ARMH4: variants seen among roughly 807,000 people sequenced by gnomAD.
ARMH4 encodes the protein armadillo like helical domain containing 4.
A neutral mutation model predicts 61.9 loss-of-function variants in ARMH4; 49 were observed. That is an observed-to-expected ratio of 0.79 (90% CI 0.63 to 1.00). The LOEUF (loss-of-function observed/expected upper bound fraction) is 1.00. Among genes scored for constraint, ARMH4 ranks in the 50% least tolerant of loss-of-function variants. The pLI, the probability that ARMH4 is intolerant of heterozygous loss-of-function variation, is 0.00. For missense variants in ARMH4, 934 were observed against 930.0 expected (o/e 1.00, Z -0.06); for synonymous variants, 368 against 341.5 (o/e 1.08, Z -0.85).
intron 5 of ARMH4, among the ~76,000 whole-genome samples, chr14:58,062,283 G>C (rs2141215448): frequency 6.6e-6 from 1 of 152,322 alleles, no homozygotes; most frequent in Non-Finnish European, 1.5e-5. Flanking sequence ...AGGCTGCAGT[G>C]AGCCATGATC....
At chr14:58,038,803 A>G (rs557062644) in intron 5 of ARMH4, among the ~76,000 whole-genome samples, 8 of 152,224 alleles carry the variant, frequency 5.3e-5, no homozygotes, top group Non-Finnish European at 1.0e-4. Flanking sequence ...CATATACTGC[A>G]TTATGGCTAC....
chr14:58,146,958 C>T (rs1202143975), intron 1 of ARMH4, among the ~76,000 whole-genome samples: 2 of 152,164 alleles, frequency 1.3e-5, no homozygotes, highest in African/African-American at 4.8e-5. Flanking sequence ...GTAGAGTGTG[C>T]CAAGAAACTG....
At chr14:58,143,749 C>A (rs533602940) in intron 1 of ARMH4, among the ~76,000 whole-genome samples, 38 of 148,756 alleles carry the variant, frequency 2.6e-4, no homozygotes, top group Admixed American at 1.2e-3. Flanking sequence ...CAGGCATGAG[C>A]CACCGTGCCC....
At chr14:58,134,331 C>T (rs572359059) in intron 2 of ARMH4, among the ~76,000 whole-genome samples, 73 of 152,284 alleles carry the variant, frequency 4.8e-4, no homozygotes, top group Non-Finnish European at 7.9e-4. Flanking sequence ...ATGACATTAT[C>T]TGTCACAGGT....
At chr14:58,049,540 T>C (rs544096581) in intron 5 of ARMH4, among the ~76,000 whole-genome samples, 17 of 152,258 alleles carry the variant, frequency 1.1e-4, no homozygotes, top group Admixed American at 1.3e-4. Flanking sequence ...GGTGATTCAA[T>C]CAACCTTTGA....
At chr14:58,128,381 T>G (rs958366875) in intron 4 of ARMH4, among the ~76,000 whole-genome samples, 1 of 152,216 alleles carries the variant, frequency 6.6e-6, no homozygotes, top group African/African-American at 2.4e-5. Context: ...AAATTTGTCA[T>G]TATCCCATTT....
chr14:58,049,590 T>G (rs1265992202), intron 5 of ARMH4, among the ~76,000 whole-genome samples: 1 of 152,148 alleles, frequency 6.6e-6, no homozygotes, highest in African/African-American at 2.4e-5. Flanking sequence ...GATGCAGAGA[T>G]GATTATGACC....
At chr14:58,108,491 G>A (rs1243615044) in intron 4 of ARMH4, among the ~76,000 whole-genome samples, 1 of 152,130 alleles carries the variant, frequency 6.6e-6, no homozygotes, top group Non-Finnish European at 1.5e-5. Flanking sequence ...CAAAGTTACT[G>A]ACTGCTATAT....
Position 58,139,202 on chromosome 14 carries a change from C to A in ARMH4, c.157G>T (p.Asp53Tyr), listed in dbSNP as rs373177726. 4.3e-6 allele frequency: 7 copies of A among 1,614,206 alleles called. No homozygotes were observed. The highest frequency in any genetic ancestry group is 5.9e-6 in the Non-Finnish European group (7 of 1,180,040). The part of the protein sequence containing the change: ...EKGQSDKMNT[D>Y]DLENSSVTSK... ...GTAACAGAGCTATTTTCTAGGTCAT[C>A]GGTGTTCATCTTATCGGACTGCCCT... Residue 53 changes from aspartate to tyrosine, a missense_variant, in exon 2 of 8, where the codon GAT becomes TAT. By Grantham distance (160) the Asp-to-Tyr change is radical. Transcript: ENST00000267485.
intron 6 of ARMH4, among the ~76,000 whole-genome samples, chr14:58,011,883 T>C (rs369709002): frequency 1.5e-3 from 226 of 152,252 alleles, no homozygotes; most frequent in Middle Eastern, 0.01. Flanking sequence ...AGGTAAATTC[T>C]TACACTTTTA....
At chr14:58,130,087 G>T (rs1335012411) in intron 4 of ARMH4, among the ~76,000 whole-genome samples, 1 of 152,132 alleles carries the variant, frequency 6.6e-6, no homozygotes, top group East Asian at 1.9e-4. Context: ...CTGATTTAAT[G>T]AGCCCTGCTG....
rs779540957 is a variant in ARMH4 at position 58,133,005 on chromosome 14, C to T, written c.1621+85G>A. 14 of 1,487,358 alleles carry T rather than the reference C, an allele frequency of 9.4e-6. No individual in the cohort carries two copies. The Admixed American group carries it at 1.8e-4, about 19-fold the overall frequency. The allele number at this position is 1,487,358 out of a possible 1,614,324, so 92.1% of individuals were successfully genotyped here. A position where few individuals can be genotyped will look rare whatever the true frequency, so the allele number is the denominator to read the frequency against. On this transcript the variant is annotated intron_variant, in intron 3 of 7. Transcript: ENST00000267485. ...CGCACGCGCGCGCTGATGGCAATGT[C>T]GGCTGCCTCACTCATTCTATTCCTA...
intron 1 of ARMH4, among the ~76,000 whole-genome samples, chr14:58,143,114 T>G (rs1260756181): frequency 6.6e-6 from 1 of 152,220 alleles, no homozygotes; most frequent in South Asian, 2.1e-4. Context: ...AAATTCATGA[T>G]GCATAGAACT....
intron 3 of ARMH4, among the ~76,000 whole-genome samples, chr14:58,132,745 C>G (rs561344537): frequency 6.6e-6 from 1 of 152,166 alleles, no homozygotes; most frequent in Admixed American, 6.5e-5. Flanking sequence ...GCCACCACGC[C>G]TGGGTAATTT....
chr14:58,075,268 G>C (rs1406818971), intron 5 of ARMH4, among the ~76,000 whole-genome samples: 1 of 152,122 alleles, frequency 6.6e-6, no homozygotes, highest in Non-Finnish European at 1.5e-5. Context: ...TATACCCAAA[G>C]GATTATAAAT....
intron 5 of ARMH4, among the ~76,000 whole-genome samples, chr14:58,047,728 T>A (rs922777003): frequency 2.6e-5 from 4 of 152,086 alleles, no homozygotes; most frequent in Admixed American, 2.6e-4. Flanking sequence ...GAAGTAAGAA[T>A]CTGAGGCAAT....
At position 58,134,178 on chromosome 14, in the gene ARMH4, G is replaced by C. The variant is rs187029386; in HGVS notation, c.1370-837C>G. On this transcript the variant is annotated intron_variant, in intron 2 of 7. Transcript: ENST00000267485. Reference sequence around the variant, plus strand: ...CTTTACAGAACTTAGGTTTAGAAAAGCTAAGGAGCATGCCTTTGTTCACAT... The same window carrying C: ...CTTTACAGAACTTAGGTTTAGAAAACCTAAGGAGCATGCCTTTGTTCACAT... Among the ~76,000 whole-genome samples, 8 of 152,294 alleles carry C rather than the reference G, an allele frequency of 5.3e-5. No individual in the cohort carries two copies. The East Asian group carries it at 1.5e-3, about 29-fold the overall frequency.
chr14:58,008,781 T>C (rs1300162680), intron 6 of ARMH4, among the ~76,000 whole-genome samples: 1 of 152,232 alleles, frequency 6.6e-6, no homozygotes, highest in East Asian at 1.9e-4. Context: ...GTGATGCTGA[T>C]GCTGCTAGTC....
chr14:58,044,766 C>T (rs559011954), intron 5 of ARMH4, among the ~76,000 whole-genome samples: 175 of 152,130 alleles, frequency 1.2e-3, no homozygotes, highest in African/African-American at 4.0e-3. Context: ...AACAAATTTA[C>T]AAGAAAAAAA....
Sources: allele counts gnomAD v4.1 joint callset (sites outside exome capture counted in the v4.1 genomes callset), GRCh38; gene constraint gnomAD v4.1.1; transcripts MANE v1.5; gene names NCBI Gene and HGNC (gene_info 2026-07-23, HGNC 2026-07-21).